The following RALGPS1 variants were observed in gnomAD, a reference collection of about 807,000 sequenced individuals.
The protein encoded by RALGPS1 is ras-specific guanine nucleotide-releasing factor RalGPS1.
In RALGPS1, 19 loss-of-function variants were observed where a neutral mutation model predicts 78.8. The ratio of observed to expected loss-of-function variants is 0.24; its 90% CI spans 0.17 to 0.35. The LOEUF is 0.35. RALGPS1 is among the 10% of genes least tolerant of loss of function. The pLI is 1.00. For synonymous variants in RALGPS1, 228 were observed against 256.3 expected, an observed-to-expected ratio of 0.89 and a Z score of 1.06; for missense variants, 454 against 688.3, an observed-to-expected ratio of 0.66 and a Z score of 3.81.
chr9:127,079,767 CAGACCTTAAACCAGAGACACCCAGCTA>C (rs1340629703), intron 8 of RALGPS1: 1 of 152,196 alleles, frequency 6.6e-6, no homozygotes, highest in African/African-American at 2.4e-5. Flanking sequence ...AGTCTCATCA[CAGACCTTAAACCAGAGACACCCAGCTA>C]AGACATGCCC....
At chr9:127,164,217 A>G (rs1027922145) in intron 8 of RALGPS1, among the ~76,000 whole-genome samples, 6 of 152,130 alleles carry the variant, frequency 3.9e-5, no homozygotes, top group Admixed American at 3.3e-4. Context: ...CTATATTTTC[A>G]TTTATAGAAA....
At chr9:127,038,517 A>G (rs1328166111) in intron 5 of RALGPS1, among the ~76,000 whole-genome samples, 1 of 152,186 alleles carries the variant, frequency 6.6e-6, no homozygotes, top group Non-Finnish European at 1.5e-5. Flanking sequence ...CTATCTCTAA[A>G]CAGTTACTCT....
At chr9:126,985,167 G>C (rs761313577) in intron 4 of RALGPS1, among the ~76,000 whole-genome samples, 1 of 152,110 alleles carries the variant, frequency 6.6e-6, no homozygotes, top group East Asian at 1.9e-4. Context: ...GCTGAGAGGC[G>C]TGGCAAGCTT....
chr9:126,948,384 G>A (rs1016711926), intron 1 of RALGPS1, among the ~76,000 whole-genome samples: 1 of 152,184 alleles, frequency 6.6e-6, no homozygotes, highest in South Asian at 2.1e-4. Flanking sequence ...GGGCGTGGTG[G>A]TGCATGCCTG....
chr9:126,964,414 C>T (rs1010210634), intron 2 of RALGPS1, among the ~76,000 whole-genome samples: 1 of 151,522 alleles, frequency 6.6e-6, no homozygotes, highest in African/African-American at 2.4e-5. Flanking sequence ...CCCGAGTCCC[C>T]TTGAATCAGC....
At chr9:127,009,606 G>A (rs958320889) in intron 4 of RALGPS1, among the ~76,000 whole-genome samples, 1 of 152,234 alleles carries the variant, frequency 6.6e-6, no homozygotes, top group Non-Finnish European at 1.5e-5. Flanking sequence ...GGGGTTGTGA[G>A]TATGGATTGT....
chr9:127,088,978 C>T, intron 8 of RALGPS1: 5 of 1,614,184 alleles, frequency 3.1e-6, no homozygotes, highest in Non-Finnish European at 3.4e-6. Context: ...TCATCATCAC[C>T]ACTTTCTTGA....
At chr9:127,047,117 A>G (rs2047871034) in intron 5 of RALGPS1, among the ~76,000 whole-genome samples, 1 of 152,220 alleles carries the variant, frequency 6.6e-6, no homozygotes, top group African/African-American at 2.4e-5. Context: ...TTTTGAAAAC[A>G]GGTACACACG....
intron 5 of RALGPS1, among the ~76,000 whole-genome samples, chr9:127,039,907 G>A (rs895260939): frequency 6.6e-6 from 1 of 152,170 alleles, no homozygotes; most frequent in Non-Finnish European, 1.5e-5. Context: ...CAGTGATGGT[G>A]GCCCAGATGA....
chr9:127,045,723 G>A lies in RALGPS1; in HGVS notation c.301-4320G>A, dbSNP rs1414583471. On this transcript the variant is annotated intron_variant, in intron 5 of 18. Coordinates refer to ENST00000259351, the MANE Select transcript of RALGPS1 (RefSeq NM_014636.3). Reference sequence around the variant, plus strand: ...TCTTTACAGATATGTGTATAGGCATGGGTTAGTACACACACACACACACAC... The same window carrying A: ...TCTTTACAGATATGTGTATAGGCATAGGTTAGTACACACACACACACACAC... 2.8e-5 allele frequency among the ~76,000 whole-genome samples: 4 copies of A among 143,482 alleles called. 1 individual carries two copies. The highest frequency in any genetic ancestry group is 1.0e-4 in the African/African-American group (4 of 38,938). The allele number at this position is 143,482 out of a possible 152,430, so 94.1% of individuals were successfully genotyped here.
At chr9:127,201,906 C>A (rs549183106) in intron 14 of RALGPS1, among the ~76,000 whole-genome samples, 1 of 152,200 alleles carries the variant, frequency 6.6e-6, no homozygotes, top group Non-Finnish European at 1.5e-5. Context: ...CTCTGCAGGC[C>A]GCACCGCTCG....
intron 8 of RALGPS1, among the ~76,000 whole-genome samples, chr9:127,077,093 G>T (rs987728728): frequency 1.3e-5 from 2 of 152,194 alleles, no homozygotes; most frequent in African/African-American, 4.8e-5. Context: ...GGGAGCCCAG[G>T]CTCTGACCAA....
At chr9:126,979,916 T>C (rs563853600) in intron 4 of RALGPS1, among the ~76,000 whole-genome samples, 69 of 152,298 alleles carry the variant, frequency 4.5e-4, no homozygotes, top group Non-Finnish European at 5.6e-4. Flanking sequence ...GAATCTGAAC[T>C]TAAATCTCTT....
intron 18 of RALGPS1, 74 bp downstream of exon 18, chr9:127,214,916 CAG>C: frequency 1.3e-6 from 2 of 1,594,860 alleles, no homozygotes; most frequent in Non-Finnish European, 8.5e-7. Flanking sequence ...CTTTAGAAAA[CAG>C]GGTTCCCTTC....
rs757453120 is a variant in RALGPS1, at chr9:127,107,944, CTGGTGAGAG to C, written c.610+38592_610+38600del. On this transcript the variant is annotated intron_variant, in intron 8 of 18. Coordinates refer to ENST00000259351, the MANE Select transcript of RALGPS1 (RefSeq NM_014636.3). ...CGGCTTGTCGGTGGAAGATGGGAGG[CTGGTGAGAG>C]TGGGCATAGTGGGCAGAGGGGGTGG... 6.5e-6 allele frequency: 10 copies of C among 1,541,298 alleles called. No homozygotes were observed. The African/African-American group carries it at 1.2e-4, about 19-fold the overall frequency.
At chr9:126,961,072 C>A (rs1399771777) in intron 1 of RALGPS1, among the ~76,000 whole-genome samples, 1 of 152,184 alleles carries the variant, frequency 6.6e-6, no homozygotes, top group Non-Finnish European at 1.5e-5. Flanking sequence ...CCTCCTTACT[C>A]TCCTGGTCAC....
In RALGPS1 at chr9:127,213,136, CT is replaced by C. The variant is rs2062374903; in HGVS notation, c.1552+91del. On this transcript the variant is annotated intron_variant, in intron 17 of 18. Coordinates refer to ENST00000259351, the MANE Select transcript of RALGPS1 (RefSeq NM_014636.3). Reference sequence around the variant, plus strand: ...GCGTGCATTTTGAAATTATTAGGAGCTTTTGAGGCTGCTGCCTTCCCTTTGC... The same window carrying C: ...GCGTGCATTTTGAAATTATTAGGAGCTTTGAGGCTGCTGCCTTCCCTTTGC... 2.6e-6 allele frequency: 4 copies of C among 1,555,716 alleles called. No individual in the cohort carries two copies. The East Asian group carries it at 9.3e-5, about 36-fold the overall frequency.
At chr9:127,035,038 C>T (rs1402134570) in intron 5 of RALGPS1, among the ~76,000 whole-genome samples, 1 of 152,148 alleles carries the variant, frequency 6.6e-6, no homozygotes, top group Non-Finnish European at 1.5e-5. Flanking sequence ...ACATTGTACC[C>T]TGTGCTCCCT....
chr9:127,044,888 TGTTG>T (rs929222464), intron 5 of RALGPS1, among the ~76,000 whole-genome samples: 1 of 152,232 alleles, frequency 6.6e-6, no homozygotes, highest in African/African-American at 2.4e-5. Flanking sequence ...GAATCATTAT[TGTTG>T]GTTTATTACA....
Sources: gnomAD v4.1 joint callset for allele counts (sites outside exome capture counted in the v4.1 genomes callset) on GRCh38, gnomAD v4.1.1 for gene constraint, MANE v1.5 for transcripts, NCBI Gene and HGNC (gene_info 2026-07-23, HGNC 2026-07-21) for gene names.